DSTN: variants seen among roughly 807,000 people sequenced by gnomAD.
DSTN encodes the protein destrin.
A neutral mutation model predicts 16.8 loss-of-function variants in DSTN; 10 were observed. That is an observed-to-expected ratio of 0.60 (90% CI 0.37 to 1.01). The LOEUF (loss-of-function observed/expected upper bound fraction) is 1.01, where lower values mean the gene tolerates loss of function less well. Among genes scored for constraint, DSTN ranks in the 50% least tolerant of loss-of-function variants. The probability of loss-of-function intolerance (pLI) is 0.01; values close to 1 mark genes in which losing one functional copy is unlikely to be tolerated. For missense variants in DSTN, 141 were observed against 196.7 expected (o/e 0.72, Z 1.69); for synonymous variants, 57 against 58.9 (o/e 0.97, Z 0.14).
At chr20:17,592,610 A>G (rs559558656) in intron 1 of DSTN, among the ~76,000 whole-genome samples, 27 of 152,102 alleles carry the variant, frequency 1.8e-4, no homozygotes, top group South Asian at 6.2e-4. Flanking sequence ...TTTGCAGGCA[A>G]AATTTAGTAT....
intron 1 of DSTN, among the ~76,000 whole-genome samples, chr20:17,570,526 G>T (rs1011269634): frequency 2.6e-5 from 4 of 152,114 alleles, no homozygotes; most frequent in Non-Finnish European, 2.9e-5. Flanking sequence ...GGGGTCGAGC[G>T]CCCCCACCCG....
At chr20:17,604,674 C>T in intron 3 of DSTN, 43 bp downstream of exon 3, 1 of 1,569,506 alleles carries the variant, frequency 6.4e-7, no homozygotes, top group South Asian at 1.2e-5. Flanking sequence ...GTATGGTGAA[C>T]ACTCAGAATG....
In DSTN at chr20:17,607,095, T is replaced by C. The variant is rs1383006381; in HGVS notation, c.447T>C (p.Ala149=). ...AAGATCTCAATCGGGCTTGTATTGC[T>C]GAAAAGTTAGGTGGATCCTTAATTG... ...GPEDLNRACI[A]EKLGGSLIVA... The change falls in exon 4 of 4, where the codon GCT becomes GCC. Residue 149 remains alanine, a synonymous_variant. Coordinates refer to ENST00000246069, the MANE Select transcript of DSTN (RefSeq NM_006870.4). 1.9e-6 allele frequency: 3 copies of C among 1,613,332 alleles called. No homozygotes were observed. The highest frequency in any genetic ancestry group is 2.5e-6 in the Non-Finnish European group (3 of 1,179,992).
intron 2 of DSTN, among the ~76,000 whole-genome samples, chr20:17,604,003 CCTT>C (rs2035613634): frequency 6.6e-6 from 1 of 151,906 alleles, no homozygotes; most frequent in Non-Finnish European, 1.5e-5. Flanking sequence ...TCTTTTTTGT[CCTT>C]TTTTTTAAGT....
chr20:17,575,670 G>C (rs1340026677), intron 1 of DSTN, among the ~76,000 whole-genome samples: 1 of 151,996 alleles, frequency 6.6e-6, no homozygotes, highest in Non-Finnish European at 1.5e-5. Context: ...ATAAAGATGG[G>C]ATTTATAAAT....
chr20:17,579,264 G>A (rs2035316601), intron 1 of DSTN, among the ~76,000 whole-genome samples: 2 of 152,084 alleles, frequency 1.3e-5, no homozygotes, highest in South Asian at 4.1e-4. Flanking sequence ...TATGAATGAT[G>A]CATGTAACTA....
chr20:17,605,323 G>T (rs1400261455), intron 3 of DSTN: 1 of 353,212 alleles, frequency 2.8e-6, no homozygotes, highest in South Asian at 2.1e-5. Context: ...ACCTCCATGG[G>T]CCTTGATTCT....
At chr20:17,570,461 G>A (rs1038495738) in intron 1 of DSTN, among the ~76,000 whole-genome samples, 1 of 152,226 alleles carries the variant, frequency 6.6e-6, no homozygotes, top group Non-Finnish European at 1.5e-5. Context: ...CGAGGCCGCC[G>A]CCCTGAGCGT....
chr20:17,574,725 CAAAAAAAAA>C (rs775060379), intron 1 of DSTN, among the ~76,000 whole-genome samples: 1 of 52,994 alleles, frequency 1.9e-5, no homozygotes, highest in African/African-American at 6.2e-5. Flanking sequence ...GACTCAGTCT[CAAAAAAAAA>C]AAAAAAAAAA....
intron 1 of DSTN, among the ~76,000 whole-genome samples, chr20:17,598,497 C>T (rs1044135710): frequency 1.6e-4 from 25 of 151,978 alleles, no homozygotes; most frequent in African/African-American, 5.8e-4. Flanking sequence ...CCTTATTAAC[C>T]ATTTATACAT....
chr20:17,600,281 T>C (rs2035572136), intron 1 of DSTN, among the ~76,000 whole-genome samples: 1 of 152,238 alleles, frequency 6.6e-6, no homozygotes, highest in Non-Finnish European at 1.5e-5. Context: ...ATAAATCTTT[T>C]TTTTTATTAG....
At chr20:17,575,741 T>G (rs1276564521) in intron 1 of DSTN, among the ~76,000 whole-genome samples, 1 of 152,202 alleles carries the variant, frequency 6.6e-6, no homozygotes, top group Non-Finnish European at 1.5e-5. Context: ...TTGCACAGGC[T>G]GGTCTTGAAC....
At chr20:17,593,151 A>G (rs1306356831) in intron 1 of DSTN, among the ~76,000 whole-genome samples, 1 of 152,104 alleles carries the variant, frequency 6.6e-6, no homozygotes, top group Non-Finnish European at 1.5e-5. Flanking sequence ...CTTTGTCAGG[A>G]GCAGTCTTTT....
At chr20:17,594,676 G>A (rs2035506591) in intron 1 of DSTN, among the ~76,000 whole-genome samples, 1 of 152,140 alleles carries the variant, frequency 6.6e-6, no homozygotes, top group South Asian at 2.1e-4. Flanking sequence ...ACAGTATGAT[G>A]TATACATATC....
At chr20:17,572,602 C>G (rs937345847) in intron 1 of DSTN, among the ~76,000 whole-genome samples, 2 of 152,196 alleles carry the variant, frequency 1.3e-5, no homozygotes, top group Non-Finnish European at 1.5e-5. Flanking sequence ...TGTGGTCTCA[C>G]AGACTGAACT....
intron 1 of DSTN, among the ~76,000 whole-genome samples, chr20:17,588,778 T>C (rs1483758205): frequency 1.3e-5 from 2 of 152,224 alleles, no homozygotes; most frequent in African/African-American, 4.8e-5. Context: ...AGCGAGACTC[T>C]GTCTCAAAAA....
intron 1 of DSTN, 119 bp from the exon 2 acceptor site, chr20:17,600,619 A>T: frequency 8.3e-7 from 1 of 1,205,172 alleles, no homozygotes; most frequent in Non-Finnish European, 1.1e-6. Context: ...CTAGTTTTTT[A>T]ATTAGATGAT....
intron 1 of DSTN, among the ~76,000 whole-genome samples, chr20:17,595,841 C>A (rs762123661): frequency 6.6e-6 from 1 of 151,984 alleles, no homozygotes; most frequent in Non-Finnish European, 1.5e-5. Flanking sequence ...TGTTTTGGCT[C>A]TTCCTCTTTA....
At chr20:17,581,422 A>G (rs1363460336) in intron 1 of DSTN, among the ~76,000 whole-genome samples, 1 of 152,170 alleles carries the variant, frequency 6.6e-6, no homozygotes, top group African/African-American at 2.4e-5. Flanking sequence ...GGTCGAGGCT[A>G]TGGTGAGCCA....
Sources: allele counts gnomAD v4.1 joint callset (sites outside exome capture counted in the v4.1 genomes callset), GRCh38; gene constraint gnomAD v4.1.1; transcripts MANE v1.5; gene names NCBI Gene and HGNC (gene_info 2026-07-23, HGNC 2026-07-21).